DGKG: variants seen among roughly 807,000 people sequenced by gnomAD.
DGKG encodes the protein DAG kinase gamma.
Under a neutral mutation model 105.3 loss-of-function variants are expected in DGKG, and 78 were observed. The ratio of observed to expected loss-of-function variants is 0.74; its 90% CI spans 0.62 to 0.89. DGKG has a LOEUF of 0.89. Among genes scored for constraint, DGKG ranks in the 40% least tolerant of loss-of-function variants. The pLI, the probability that DGKG is intolerant of heterozygous loss-of-function variation, is 0.00. For synonymous variants in DGKG, 346 were observed against 367.1 expected (o/e 0.94, Z 0.66); for missense variants, 958 against 1,020.1 (o/e 0.94, Z 0.83).
At chr3:186,337,936 G>A (rs1321827362) in intron 1 of DGKG, among the ~76,000 whole-genome samples, 2 of 152,066 alleles carry the variant, frequency 1.3e-5, no homozygotes, top group East Asian at 3.8e-4. Flanking sequence ...TAGGGAGGCC[G>A]AGGTGAGCAG....
chr3:186,225,295 G>C (rs1367426846), intron 20 of DGKG, among the ~76,000 whole-genome samples: 1 of 151,706 alleles, frequency 6.6e-6, no homozygotes, highest in African/African-American at 2.4e-5. Flanking sequence ...TGACATCTAG[G>C]AACCCTTTGT....
At chr3:186,180,178 G>A (rs867508524) in intron 22 of DGKG, among the ~76,000 whole-genome samples, 37 of 152,218 alleles carry the variant, frequency 2.4e-4, no homozygotes, top group African/African-American at 8.7e-4. Flanking sequence ...TTGGGCAACA[G>A]GTGAGACATC....
chr3:186,158,588 C>T (rs549781771), intron 24 of DGKG: 2 of 923,714 alleles, frequency 2.2e-6, no homozygotes, highest in Non-Finnish European at 2.6e-6. Flanking sequence ...AGTTTATGAT[C>T]TAGTTTAATA....
intron 2 of DGKG, 65 bp from the exon 3 acceptor site, chr3:186,307,042 T>C: frequency 9.0e-7 from 1 of 1,112,976 alleles, no homozygotes; most frequent in South Asian, 1.3e-5. Context: ...GCCAAGTAAA[T>C]TCTCCCTGTG....
chr3:186,245,678 G>A (rs1375147885), intron 19 of DGKG, among the ~76,000 whole-genome samples: 1 of 152,180 alleles, frequency 6.6e-6, no homozygotes, highest in East Asian at 1.9e-4. Context: ...GGGGTGAAGA[G>A]GAGATGGTGG....
In DGKG at chr3:186,302,460, CTATATATATATATATATATATA is replaced by C. The variant is rs58937810; in HGVS notation, c.145-4253_145-4232del. Reference sequence around the variant, plus strand: ...AGATTGGAAAAAGGGGGGAAATGTGCTATATATATATATATATATATATATATATATATATATATATATATAC... The same window carrying C: ...AGATTGGAAAAAGGGGGGAAATGTGCTATATATATATATATATATATATAC... On this transcript the variant is annotated intron_variant, in intron 3 of 24. Coordinates refer to ENST00000265022, the MANE Select transcript of DGKG (RefSeq NM_001346.3). Among the ~76,000 whole-genome samples, 57 of 48,810 alleles carry C rather than the reference CTATATATATATATATATATATA, an allele frequency of 1.2e-3. 1 individual carries two copies. Among genetic ancestry groups the C allele is most frequent in the African/African-American group, 3.4e-3 (49 of 14,362 alleles). 32.0% of individuals were successfully genotyped at this position (48,810 alleles called of 152,430 possible).
intron 22 of DGKG, among the ~76,000 whole-genome samples, chr3:186,185,299 C>A (rs1170932544): frequency 6.6e-6 from 1 of 152,186 alleles, no homozygotes; most frequent in Non-Finnish European, 1.5e-5. Context: ...CAGCTGATGT[C>A]CTCATCTAAA....
Position 186,288,813 on chromosome 3 carries a change from G to T in DGKG, c.441C>A (p.Pro147=), listed in dbSNP as rs190526753. Residue 147 remains proline, a synonymous_variant, in exon 6 of 25, where the codon CCC becomes CCA. Coordinates refer to ENST00000265022, the MANE Select transcript of DGKG (RefSeq NM_001346.3). ...ATTCCGAGCTTGAAGACCGAGGGAC[G>T]GGGGGTTCCAGGGGGGTCGCAGCCA... The part of the protein sequence containing the change: ...DQVAATPLEP[P]VPRSSSSESP... The T allele has an allele frequency of 1.2e-6, 2 of 1,610,946 alleles. 1 individual carries two copies. The highest frequency in any genetic ancestry group is 2.2e-5 in the South Asian group (2 of 90,770).
At chr3:186,190,689 A>C (rs1717864584) in intron 21 of DGKG, among the ~76,000 whole-genome samples, 1 of 152,038 alleles carries the variant, frequency 6.6e-6, no homozygotes, top group African/African-American at 2.4e-5. Context: ...CATAGACATA[A>C]AACTTTACAT....
intron 24 of DGKG, among the ~76,000 whole-genome samples, chr3:186,152,442 T>C (rs1465213953): frequency 6.6e-6 from 1 of 152,208 alleles, no homozygotes; most frequent in Non-Finnish European, 1.5e-5. Flanking sequence ...CATGTTCCCC[T>C]GTGGTCAGCC....
intron 22 of DGKG, among the ~76,000 whole-genome samples, chr3:186,180,395 T>C (rs1717302607): frequency 6.6e-6 from 1 of 152,150 alleles, no homozygotes; most frequent in South Asian, 2.1e-4. Context: ...GAATGACATG[T>C]ATGTTGCCAT....
intron 21 of DGKG, among the ~76,000 whole-genome samples, chr3:186,197,199 G>A (rs923221990): frequency 2.0e-5 from 3 of 152,200 alleles, no homozygotes; most frequent in African/African-American, 4.8e-5. Context: ...GGCCATGTCT[G>A]GGGAAAATAG....
intron 23 of DGKG, 26 bp downstream of exon 23, chr3:186,164,872 G>A (rs41268603): frequency 0.039 from 62,809 of 1,599,760 alleles, 1,471 homozygotes; most frequent in Non-Finnish European, 0.047. Flanking sequence ...GAGATGCAGA[G>A]GCTGTTGGGT....
At chr3:186,184,976 G>A (rs1372071447) in intron 22 of DGKG, among the ~76,000 whole-genome samples, 1 of 152,140 alleles carries the variant, frequency 6.6e-6, no homozygotes, top group Non-Finnish European at 1.5e-5. Context: ...ACCAAAATCT[G>A]ACTATGCCTT....
In DGKG at chr3:186,165,088, G is replaced by C. The variant is rs1005253981; in HGVS notation, c.2096-70C>G. 73 of 1,530,012 alleles carry C rather than the reference G, an allele frequency of 4.8e-5. No homozygotes were observed. The African/African-American group carries it at 9.9e-4, about 21-fold the overall frequency. 94.8% of individuals were successfully genotyped at this position (1,530,012 alleles called of 1,614,324 possible). ...TCCTCAGACAAGTTCTGGCCAGAAA[G>C]TCTGGTCCCCAGATGGCCAATGTCT... On this transcript the variant is annotated intron_variant, in intron 22 of 24. Coordinates refer to ENST00000265022, the MANE Select transcript of DGKG (RefSeq NM_001346.3).
chr3:186,325,313 G>A (rs984688814), intron 1 of DGKG, among the ~76,000 whole-genome samples: 4 of 152,122 alleles, frequency 2.6e-5, no homozygotes, highest in African/African-American at 9.7e-5. Context: ...CACTACCTGG[G>A]TGATGGGATC....
rs56064942 is a variant in DGKG, at chr3:186,359,717, C to G, written c.-249+2229G>C. On this transcript the variant is annotated intron_variant, in intron 1 of 24. Coordinates refer to ENST00000265022, the MANE Select transcript of DGKG (RefSeq NM_001346.3). ...TAGGCACCCAATAAATGCTGGCTCT[C>G]TATGGATTGTATAATTTCGAGGCAT... is the stretch of plus-strand genomic sequence containing the variant. Among the ~76,000 whole-genome samples, 1,246 of 152,176 alleles carry G rather than the reference C, an allele frequency of 8.2e-3. 4 individuals are homozygous for G. Among genetic ancestry groups the G allele is most frequent in the Non-Finnish European group, 0.013 (851 of 68,018 alleles).
Position 186,242,558 on chromosome 3 carries a change from A to G in DGKG, c.1772T>C (p.Ile591Thr), listed in dbSNP as rs377731765. 2.0e-5 allele frequency: 33 copies of G among 1,613,542 alleles called. No individual in the cohort carries two copies. Among genetic ancestry groups the G allele is most frequent in the Non-Finnish European group, 2.6e-5 (31 of 1,179,662 alleles). ...NYFSIGVDASIAHRFHVMREK... is the reference protein window; with the variant it reads ...NYFSIGVDASTAHRFHVMREK... ...TCTCATCACATGGAATCTGTGTGCA[A>G]TGGAAGCGTCCTGAAAGTGAAAGAG... The change falls in exon 20 of 25, where the codon ATT becomes ACT. Residue 591 changes from isoleucine to threonine, a missense_variant. Ile to Thr is a moderately conservative substitution (Grantham distance 89). Around this residue, in one of 2 missense-constraint regions of DGKG, gnomAD observed 315 missense variants for 400.6 expected, o/e 0.79. Coordinates refer to ENST00000265022, the MANE Select transcript of DGKG (RefSeq NM_001346.3).
At chr3:186,242,591 A>C in intron 19 of DGKG, 23 bp from the exon 20 acceptor site, 2 of 1,609,994 alleles carry the variant, frequency 1.2e-6, no homozygotes, top group South Asian at 2.2e-5. Flanking sequence ...GAGACAAAGC[A>C]GATCCTTGGT....
Sources: allele counts gnomAD v4.1 joint callset (sites outside exome capture counted in the v4.1 genomes callset), GRCh38; gene constraint gnomAD v4.1.1; regional missense constraint gnomAD v4.1.1; transcripts MANE v1.5; gene names NCBI Gene and HGNC (gene_info 2026-07-23, HGNC 2026-07-21).